The following DRAM2 variants were observed in gnomAD, a reference collection of about 807,000 sequenced individuals.
DRAM2 encodes DNA damage regulated autophagy modulator 2, also known as DNA damage-regulated autophagy modulator protein 2.
A neutral mutation model predicts 33.5 loss-of-function variants in DRAM2; 26 were observed. That is an observed-to-expected ratio of 0.78 (90% CI 0.57 to 1.08). The LOEUF is 1.08. Among genes scored for constraint, DRAM2 ranks in the 50% least tolerant of loss-of-function variants. The pLI, the probability that DRAM2 is intolerant of heterozygous loss-of-function variation, is 0.00. For synonymous variants in DRAM2, 98 were observed against 109.5 expected (o/e 0.89, Z 0.66); for missense variants, 311 against 318.1 (o/e 0.98, Z 0.17).
In DRAM2 at chr1:111,131,403, C is replaced by T. The variant is rs566306801; in HGVS notation, c.131+21G>A. On this transcript the variant is annotated intron_variant, in intron 4 of 9. Coordinates refer to ENST00000484310, the MANE Select transcript of DRAM2 (RefSeq NM_001349884.2). ...AATGAGACATAAAGAGTCTCCTATA[C>T]AAAGAATACATTTCACTTACCTGAT... The T allele has an allele frequency of 2.1e-5, 34 of 1,606,300 alleles. No individual in the cohort carries two copies. In the East Asian group the frequency reaches 7.1e-4, roughly 34 times the overall value.
chr1:111,120,427 A>AAT (rs2101016736), intron 7 of DRAM2, 89 bp downstream of exon 7: 5 of 336,570 alleles, frequency 1.5e-5, no homozygotes, highest in South Asian at 7.1e-5. Flanking sequence ...AAAGACAAAA[A>AAT]GGCTTCTTAT....
intron 3 of DRAM2, among the ~76,000 whole-genome samples, chr1:111,137,070 G>A (rs895321657): frequency 1.3e-5 from 2 of 151,882 alleles, no homozygotes; most frequent in East Asian, 1.9e-4. Flanking sequence ...TGGCTAACAC[G>A]GTGAAACCCC....
chr1:111,128,352 T>C (rs1050557650), intron 4 of DRAM2, among the ~76,000 whole-genome samples: 1 of 152,104 alleles, frequency 6.6e-6, no homozygotes, highest in Non-Finnish European at 1.5e-5. Flanking sequence ...CTCAGGGTAA[T>C]ACTAAGTTCA....
Position 111,131,547 on chromosome 1 carries a change from C to G in DRAM2, c.8G>C (p.Trp3Ser), listed in dbSNP as rs1652080370. The G allele has an allele frequency of 6.2e-7, 1 of 1,612,574 alleles. No homozygotes were observed. Among genetic ancestry groups the G allele is most frequent in the East Asian group, 2.2e-5 (1 of 44,824 alleles). MW[W>S]FQQGLSFLPS... ...AAGGAAACTGAGGCCTTGCTGAAAC[C>G]ACCACATTTCTAACAGGTTTTCTGA... is the stretch of plus-strand genomic sequence containing the variant. The change falls in exon 4 of 10, where the codon TGG (tryptophan) becomes TCG (serine). Residue 3 changes from tryptophan (W) to serine (S), a missense_variant. Trp to Ser is a radical substitution (Grantham distance 177). Transcript: ENST00000484310.
chr1:111,130,438 G>T (rs1651814682), intron 4 of DRAM2, among the ~76,000 whole-genome samples: 1 of 152,212 alleles, frequency 6.6e-6, no homozygotes, highest in Admixed American at 6.5e-5. Flanking sequence ...GGGCACAGTG[G>T]CTCACGCCTG....
intron 8 of DRAM2, 52 bp downstream of exon 8, chr1:111,119,825 C>A: frequency 1.4e-6 from 2 of 1,402,750 alleles, no homozygotes; most frequent in South Asian, 2.4e-5. Flanking sequence ...CAAGATCAAT[C>A]AAAATAACCA....
chr1:111,126,400 T>C lies in DRAM2; in HGVS notation c.132-106A>G, dbSNP rs915682297. Reference sequence around the variant, plus strand: ...GAGTTAATTCAAACCTCTTATCTTTTATAAATCCATGAGTTCAACTCATAT... The same window carrying C: ...GAGTTAATTCAAACCTCTTATCTTTCATAAATCCATGAGTTCAACTCATAT... On this transcript the variant is annotated intron_variant, in intron 4 of 9. Coordinates refer to ENST00000484310, the MANE Select transcript of DRAM2 (RefSeq NM_001349884.2). 4 of 656,912 alleles carry C rather than the reference T, an allele frequency of 6.1e-6. No homozygotes were observed. The African/African-American group carries it at 7.2e-5, about 12-fold the overall frequency. 40.7% of individuals were successfully genotyped at this position (656,912 alleles called of 1,614,324 possible).
At chr1:111,131,729 T>C (rs933483169) in intron 3 of DRAM2, among the ~76,000 whole-genome samples, 161 bp from the exon 4 acceptor site, 7 of 152,188 alleles carry the variant, frequency 4.6e-5, no homozygotes, top group African/African-American at 1.4e-4. Flanking sequence ...TTCCCTTTCT[T>C]AGTGAGCGCA....
Position 111,118,908 on chromosome 1 carries a change from G to C in DRAM2, c.601-11C>G, listed in dbSNP as rs1390433301. 2 of 1,564,788 alleles carry C rather than the reference G, an allele frequency of 1.3e-6. No individual in the cohort carries two copies. The highest frequency in any genetic ancestry group is 1.7e-6 in the Non-Finnish European group (2 of 1,151,198). On this transcript the variant is annotated splice_polypyrimidine_tract_variant and intron_variant, in intron 8 of 9. Coordinates refer to ENST00000484310, the MANE Select transcript of DRAM2 (RefSeq NM_001349884.2). ...GTGAAGCACATAACCCTGAGTGATG[G>C]GAAAAAAAGAATAGTTTTGTGAAAT...
intron 5 of DRAM2, 138 bp downstream of exon 5, chr1:111,126,089 T>A: frequency 1.6e-6 from 1 of 617,284 alleles, no homozygotes; most frequent in South Asian, 2.3e-5. Flanking sequence ...AAAAGGAGCA[T>A]AATTATGATC....
Position 111,132,297 on chromosome 1 carries a change from G to A in DRAM2, c.-14-729C>T, listed in dbSNP as rs553471058. Reference sequence around the variant, plus strand: ...TACCCAGAGAGGGCACAGAAGCTCCGTGCCCCTTTCCATATCCCTTGCCTT... The same window carrying A: ...TACCCAGAGAGGGCACAGAAGCTCCATGCCCCTTTCCATATCCCTTGCCTT... On this transcript the variant is annotated intron_variant, in intron 3 of 9. Transcript: ENST00000484310. 4.6e-5 allele frequency among the ~76,000 whole-genome samples: 7 copies of A among 152,318 alleles called. No individual in the cohort carries two copies. The South Asian group carries it at 1.2e-3, about 27-fold the overall frequency.
At chr1:111,135,206 T>C (rs1652925980) in intron 3 of DRAM2, among the ~76,000 whole-genome samples, 1 of 152,198 alleles carries the variant, frequency 6.6e-6, no homozygotes, top group Non-Finnish European at 1.5e-5. Context: ...TTAAACTTTA[T>C]TCTATGAAAA....
At chr1:111,138,665 T>TC (rs1268637039) in intron 2 of DRAM2, among the ~76,000 whole-genome samples, 1 of 152,120 alleles carries the variant, frequency 6.6e-6, no homozygotes, top group Non-Finnish European at 1.5e-5. Context: ...GCGCCTGTAA[T>TC]CCCAGCTACT....
intron 4 of DRAM2, among the ~76,000 whole-genome samples, chr1:111,127,714 A>C (rs1329888530): frequency 6.6e-6 from 1 of 152,158 alleles, no homozygotes; most frequent in Non-Finnish European, 1.5e-5. Context: ...AAGTTAACAA[A>C]GGCATGCATT....
chr1:111,120,687 T>C lies in DRAM2; in HGVS notation c.346A>G (p.Thr116Ala), dbSNP rs1046542855. ...CCACTTACATGTGCAGCAAAAAGGG[T>C]TGTTTTCTGAGAGATAGAGAGAAGA... ...LSIVANFQKT[T>A]LFAAHVSGAV... Residue 116 changes from threonine (T) to alanine (A), a missense_variant, in exon 7 of 10, where the codon ACC becomes GCC. Thr to Ala is a moderately conservative substitution (Grantham distance 58, BLOSUM62 0). Transcript: ENST00000484310. 3 of 1,531,356 alleles carry C rather than the reference T, an allele frequency of 2.0e-6. No individual in the cohort carries two copies. The highest frequency in any genetic ancestry group is 2.0e-5 in the Admixed American group (1 of 49,750). 94.9% of individuals were successfully genotyped at this position (1,531,356 alleles called of 1,614,324 possible). A position where few individuals can be genotyped will look rare whatever the true frequency, so the allele number is the denominator to read the frequency against.
intron 6 of DRAM2, among the ~76,000 whole-genome samples, chr1:111,123,509 A>G (rs1650418424): frequency 6.6e-6 from 1 of 152,146 alleles, no homozygotes; most frequent in African/African-American, 2.4e-5. Context: ...GTAATCATCC[A>G]TTCTCAGTAT....
intron 5 of DRAM2, among the ~76,000 whole-genome samples, 185 bp from the exon 6 acceptor site, chr1:111,125,066 G>C (rs1271463584): frequency 6.6e-6 from 1 of 151,634 alleles, no homozygotes; most frequent in African/African-American, 2.4e-5. Flanking sequence ...TTTAAAAAAT[G>C]GGGTCTCTCT....
chr1:111,132,871 G>A (rs916892113), intron 3 of DRAM2, among the ~76,000 whole-genome samples: 6 of 151,744 alleles, frequency 4.0e-5, no homozygotes, highest in Admixed American at 1.3e-4. Flanking sequence ...GTAGAGATGA[G>A]GTCTCATTAT....
chr1:111,117,969 C>T lies in DRAM2; in HGVS notation c.*191G>A. ...TATAGGCATAGGTGTTTTTAATAGT[C>T]TTCTTGATGATATCCTTTAGAATAA... On this transcript the variant is annotated 3_prime_UTR_variant, in exon 10 of 10. Coordinates refer to ENST00000484310, the MANE Select transcript of DRAM2 (RefSeq NM_001349884.2). 3.4e-6 allele frequency: 2 copies of T among 596,534 alleles called. No homozygotes were observed. Among genetic ancestry groups the T allele is most frequent in the Non-Finnish European group, 5.9e-6 (2 of 338,176 alleles). The allele number at this position is 596,534 out of a possible 1,614,324, so 37.0% of individuals were successfully genotyped here.
Sources: allele counts gnomAD v4.1 joint callset (sites outside exome capture counted in the v4.1 genomes callset), GRCh38; gene constraint gnomAD v4.1.1; transcripts MANE v1.5; gene names NCBI Gene and HGNC (gene_info 2026-07-23, HGNC 2026-07-21).